The following MAGEC3 variants were observed in gnomAD, a reference collection of about 807,000 sequenced individuals.
MAGEC3 encodes the protein MAGE family member C3.
MAGEC3 carries 34 observed loss-of-function variants against 35.3 expected under a neutral mutation model. The observed-to-expected ratio is 0.96, with a 90% CI of 0.73 to 1.28. MAGEC3 has a LOEUF of 1.28. MAGEC3 is among the 50% of genes most tolerant of loss of function. The probability of loss-of-function intolerance (pLI) is 0.00; values close to 1 mark genes in which losing one functional copy is unlikely to be tolerated. For synonymous variants in MAGEC3, 202 were observed against 185.6 expected (o/e 1.09, Z -0.72); for missense variants, 561 against 483.6 (o/e 1.16, Z -1.50).
intron 1 of MAGEC3, among the ~76,000 whole-genome samples, chrX:141,858,371 T>C (rs752463117): frequency 9.0e-6 from 1 of 110,978 alleles, no homozygotes; most frequent in Non-Finnish European, 1.9e-5. Context: ...CACATGGAAT[T>C]TAATGATTTA....
chrX:141,863,656 T>A (rs1048912582), intron 1 of MAGEC3, among the ~76,000 whole-genome samples: 1 of 111,206 alleles, frequency 9.0e-6, no homozygotes, highest in Non-Finnish European at 1.9e-5. Context: ...CATTTTAAAA[T>A]ATGCAAGGTA....
At chrX:141,858,312 G>A (rs2017794192) in intron 1 of MAGEC3, among the ~76,000 whole-genome samples, 1 of 110,542 alleles carries the variant, frequency 9.0e-6, no homozygotes, top group Non-Finnish European at 1.9e-5. Flanking sequence ...GTCTTGGGCT[G>A]AAAAATATTC....
intron 1 of MAGEC3, among the ~76,000 whole-genome samples, chrX:141,845,077 C>T (rs1005094470): frequency 1.8e-5 from 2 of 110,734 alleles, no homozygotes; most frequent in African/African-American, 6.5e-5. Context: ...GGCACTTTTT[C>T]GTACTTGGTT....
In MAGEC3 at chrX:141,877,546, T is replaced by C. The variant is rs185084618; in HGVS notation, c.259-1629T>C. Among the ~76,000 whole-genome samples, 14 of 111,817 alleles carry C rather than the reference T, an allele frequency of 1.3e-4. No homozygotes were observed. The East Asian group carries it at 2.5e-3, about 20-fold the overall frequency. ...CATGCACAGTCTAATCATGCATGAA[T>C]CACAAACGCTTTGTTTCCAACTGGC... On this transcript the variant is annotated intron_variant, in intron 2 of 7. Transcript: ENST00000298296.
At chrX:141,849,567 T>C (rs779993918) in intron 1 of MAGEC3, among the ~76,000 whole-genome samples, 2 of 110,314 alleles carry the variant, frequency 1.8e-5, no homozygotes, top group African/African-American at 6.6e-5. Context: ...TCAACCCTAT[T>C]AAAATTAGTA....
chrX:141,853,911 G>T (rs762665503), intron 1 of MAGEC3, among the ~76,000 whole-genome samples: 1 of 111,149 alleles, frequency 9.0e-6, no homozygotes, highest in Admixed American at 9.6e-5. Context: ...AACCATGAGG[G>T]TCCCAACTTA....
At chrX:141,857,237 C>T (rs1225203971) in intron 1 of MAGEC3, among the ~76,000 whole-genome samples, 1 of 110,245 alleles carries the variant, frequency 9.1e-6, no homozygotes, top group Non-Finnish European at 1.9e-5. Flanking sequence ...GGAAACTGGG[C>T]TCCAGAAATA....
At chrX:141,855,058 G>A (rs2017772064) in intron 1 of MAGEC3, among the ~76,000 whole-genome samples, 1 of 111,289 alleles carries the variant, frequency 9.0e-6, no homozygotes, top group Non-Finnish European at 1.9e-5. Context: ...AGAACATCTA[G>A]ATTTTGAGAG....
At chrX:141,849,867 A>G (rs374205656) in intron 1 of MAGEC3, among the ~76,000 whole-genome samples, 2 of 111,495 alleles carry the variant, frequency 1.8e-5, no homozygotes, top group South Asian at 7.4e-4. Flanking sequence ...CAATCCCATT[A>G]CTTGATATAT....
intron 1 of MAGEC3, among the ~76,000 whole-genome samples, chrX:141,846,409 T>C (rs1292301101): frequency 9.1e-6 from 1 of 109,932 alleles, no homozygotes; most frequent in Non-Finnish European, 1.9e-5. Context: ...ATCTCTATGA[T>C]TGGCAGTTTA....
chrX:141,890,943 T>C (rs1980823909), intron 4 of MAGEC3, among the ~76,000 whole-genome samples: 2 of 112,048 alleles, frequency 1.8e-5, no homozygotes, highest in Non-Finnish European at 3.8e-5. Context: ...GTGAGAGCCA[T>C]GATCCGCTAT....
At position 141,856,120 on chromosome X, in the gene MAGEC3, G is replaced by T. The variant is rs1167052139; in HGVS notation, c.124-9351G>T. ...CCCATCATCTTGTGAACATGTGGCT[G>T]GATGAATCCATCTTTGTTAGTTGGC... On this transcript the variant is annotated intron_variant, in intron 1 of 7. Transcript: ENST00000298296. Among the ~76,000 whole-genome samples the T allele has an allele frequency of 2.7e-5, 3 of 111,588 alleles. No individual in the cohort carries two copies. The Admixed American group carries it at 2.9e-4, about 11-fold the overall frequency.
At chrX:141,847,281 A>G (rs2017722985) in intron 1 of MAGEC3, among the ~76,000 whole-genome samples, 1 of 110,848 alleles carries the variant, frequency 9.0e-6, no homozygotes, top group African/African-American at 3.3e-5. Flanking sequence ...CATTCACATC[A>G]TAATTTCATT....
At position 141,838,373 on chromosome X, in the gene MAGEC3, C is replaced by T. The variant is rs767085454; in HGVS notation, c.58C>T (p.Gln20Ter). The T allele has an allele frequency of 1.3e-5, 16 of 1,211,235 alleles. No individual in the cohort carries two copies. The highest frequency in any genetic ancestry group is 2.3e-4 in the Middle Eastern group (1 of 4,351). Residue 20 changes from glutamine (Q) to a stop codon, truncating the protein, a stop_gained, in exon 1 of 8, where the codon CAG becomes TAG. Coordinates refer to ENST00000298296, the MANE Select transcript of MAGEC3 (RefSeq NM_138702.1). LOFTEE classifies it high-confidence loss of function. The part of the protein sequence containing the change: ...DATFSDGSLG[Q>*]WVKNTCATYA... ...CACCTTCAGTGATGGCAGTCTAGGCCAGTGGGTGAAAAACACATGTGCCAC... is the reference window on the plus strand; with the variant it reads ...CACCTTCAGTGATGGCAGTCTAGGCTAGTGGGTGAAAAACACATGTGCCAC...
At chrX:141,887,532 C>A (rs2018011708) in intron 4 of MAGEC3, among the ~76,000 whole-genome samples, 1 of 111,961 alleles carries the variant, frequency 8.9e-6, no homozygotes, top group Non-Finnish European at 1.9e-5. Context: ...CATGAGGCCC[C>A]TCCAAGAAAG....
intron 1 of MAGEC3, among the ~76,000 whole-genome samples, chrX:141,851,416 T>C (rs771407115): frequency 9.0e-6 from 1 of 110,713 alleles, no homozygotes; most frequent in African/African-American, 3.3e-5. Context: ...TTTCTGTTAA[T>C]GCCAAGATTG....
At chrX:141,891,866 G>T (rs1411508391) in intron 4 of MAGEC3, among the ~76,000 whole-genome samples, 1 of 109,537 alleles carries the variant, frequency 9.1e-6, no homozygotes, top group Non-Finnish European at 1.9e-5. Context: ...AATTAAAAAC[G>T]TGACATTATT....
At chrX:141,879,755 T>C (rs1372507450) in intron 3 of MAGEC3, among the ~76,000 whole-genome samples, 1 of 110,153 alleles carries the variant, frequency 9.1e-6, no homozygotes, top group Admixed American at 9.6e-5. Context: ...ATCCTCAAGG[T>C]AAGGGCCCTA....
chrX:141,845,446 G>A (rs1044822692), intron 1 of MAGEC3, among the ~76,000 whole-genome samples: 1 of 110,773 alleles, frequency 9.0e-6, no homozygotes, highest in Non-Finnish European at 1.9e-5. Flanking sequence ...AAGTTTTGCC[G>A]AATAAAAGTC....
Sources: allele counts gnomAD v4.1 joint callset (sites outside exome capture counted in the v4.1 genomes callset), GRCh38; gene constraint gnomAD v4.1.1; transcripts MANE v1.5; gene names NCBI Gene and HGNC (gene_info 2026-07-23, HGNC 2026-07-21).